The following CSTPP1 variants were observed in gnomAD, a reference collection of about 807,000 sequenced individuals.
The protein encoded by CSTPP1 is UPF0705 protein C11orf49.
the CSTPP1 span, among the ~76,000 whole-genome samples, chr11:46,986,063 C>T: frequency 6.6e-5 from 10 of 152,240 alleles, no homozygotes; most frequent in African/African-American, 1.4e-4. Context: ...GCGTTTTAAA[C>T]GGCATCCCAG....
At chr11:47,155,358 CTCTTCCCCACT>C in the CSTPP1 span, 1 of 1,054,278 alleles carries the variant, frequency 9.5e-7, no homozygotes, top group Non-Finnish European at 1.5e-6. Context: ...ACACACGTTT[CTCTTCCCCACT>C]TCCTTTGGGG....
the CSTPP1 span, among the ~76,000 whole-genome samples, chr11:47,038,014 C>G: frequency 2.5e-5 from 3 of 120,244 alleles, no homozygotes; most frequent in Non-Finnish European, 4.0e-5. Flanking sequence ...GGCGGCTGGC[C>G]GGGCAGAGGG....
the CSTPP1 span, among the ~76,000 whole-genome samples, chr11:47,122,495 T>C: frequency 6.6e-6 from 1 of 152,200 alleles, no homozygotes; most frequent in African/African-American, 2.4e-5. Context: ...CCTGCCATCC[T>C]TCCTTCCACA....
chr11:47,106,878 G>A, the CSTPP1 span, among the ~76,000 whole-genome samples: 4 of 152,138 alleles, frequency 2.6e-5, no homozygotes, highest in African/African-American at 9.7e-5. Flanking sequence ...GAGGCAGACT[G>A]ATGACTTTGT....
the CSTPP1 span, among the ~76,000 whole-genome samples, chr11:47,016,390 C>CAAAAAAAAAAAAAAAAAA: frequency 3.2e-5 from 4 of 125,842 alleles, no homozygotes; most frequent in Non-Finnish European, 4.9e-5. Flanking sequence ...ATGGAATCTA[C>CAAAAAAAAAAAAAAAAAA]AAAAAACAAA....
chr11:47,114,919 G>A, the CSTPP1 span, among the ~76,000 whole-genome samples: 2 of 152,192 alleles, frequency 1.3e-5, no homozygotes, highest in African/African-American at 2.4e-5. Context: ...GGTTTTCAAA[G>A]GGAATGCTTC....
At chr11:47,077,020 T>C in the CSTPP1 span, among the ~76,000 whole-genome samples, 5 of 150,840 alleles carry the variant, frequency 3.3e-5, no homozygotes, top group Non-Finnish European at 5.9e-5. Context: ...ACCTAAAAAT[T>C]TGAAGTTCTA....
chr11:47,104,652 C>A, the CSTPP1 span, among the ~76,000 whole-genome samples: 1 of 152,142 alleles, frequency 6.6e-6, no homozygotes, highest in Admixed American at 6.5e-5. Context: ...AAATAAACAT[C>A]AAATGAGGTT....
the CSTPP1 span, among the ~76,000 whole-genome samples, chr11:46,939,183 T>C: frequency 1.4e-5 from 2 of 146,644 alleles, no homozygotes; most frequent in East Asian, 4.1e-4. Context: ...CTCCGCCTCC[T>C]GGGTTCAAGT....
At chr11:47,145,074 G>A in the CSTPP1 span, among the ~76,000 whole-genome samples, 13 of 132,544 alleles carry the variant, frequency 9.8e-5, no homozygotes, top group Admixed American at 1.9e-4. Context: ...TGCAACCTCC[G>A]CCTCCCAGGT....
At chr11:46,985,677 C>T in the CSTPP1 span, among the ~76,000 whole-genome samples, 2 of 152,186 alleles carry the variant, frequency 1.3e-5, no homozygotes. Flanking sequence ...ACTGAGTAAA[C>T]TCCCAATAAT....
chr11:47,055,342 C>T, the CSTPP1 span, among the ~76,000 whole-genome samples: 1 of 148,636 alleles, frequency 6.7e-6, no homozygotes, highest in South Asian at 2.2e-4. Context: ...TTCCTTCCTT[C>T]CTTCCCCTCC....
At chr11:46,985,242 C>T in the CSTPP1 span, among the ~76,000 whole-genome samples, 2,299 of 152,028 alleles carry the variant, frequency 0.015, 61 homozygotes, top group African/African-American at 0.053. Context: ...TAGGTCACCG[C>T]GATCATTATG....
At chr11:47,131,541 G>C in the CSTPP1 span, among the ~76,000 whole-genome samples, 2 of 152,204 alleles carry the variant, frequency 1.3e-5, no homozygotes, top group Admixed American at 6.5e-5. Flanking sequence ...TCTAGGATTA[G>C]AGTGGATATA....
the CSTPP1 span, chr11:47,161,624 G>GA: frequency 5.0e-6 from 8 of 1,612,932 alleles, no homozygotes; most frequent in African/African-American, 1.1e-4. Context: ...AGAGACAGAC[G>GA]AGTCGGAGAC....
chr11:47,161,497 C>A, the CSTPP1 span: 3 of 1,614,112 alleles, frequency 1.9e-6, no homozygotes, highest in Admixed American at 5.0e-5. Context: ...TCAACTCGGT[C>A]ACAGCCAGTC....
the CSTPP1 span, among the ~76,000 whole-genome samples, chr11:47,101,206 A>G: frequency 1.5e-5 from 1 of 65,442 alleles, no homozygotes; most frequent in Non-Finnish European, 3.1e-5. Flanking sequence ...TTTTTAGTAG[A>G]GATGGGGTTT....
At chr11:46,945,653 T>C in the CSTPP1 span, among the ~76,000 whole-genome samples, 1 of 152,026 alleles carries the variant, frequency 6.6e-6, no homozygotes, top group Non-Finnish European at 1.5e-5. Flanking sequence ...ATTATGAACA[T>C]GTTCACAAAG....
chr11:47,100,098 T>G, the CSTPP1 span, among the ~76,000 whole-genome samples: 1 of 152,342 alleles, frequency 6.6e-6, no homozygotes, highest in Non-Finnish European at 1.5e-5. Context: ...AAATGCCTCT[T>G]CTATAACATG....
Sources: gnomAD v4.1 joint callset for allele counts (sites outside exome capture counted in the v4.1 genomes callset) on GRCh38, gnomAD v4.1.1 for gene constraint, MANE v1.5 for transcripts, NCBI Gene and HGNC (gene_info 2026-07-23, HGNC 2026-07-21) for gene names.